SLC26A7: variants seen among roughly 807,000 people sequenced by gnomAD.
SLC26A7 encodes anion exchange transporter.
A neutral mutation model predicts 82.5 loss-of-function variants in SLC26A7; 59 were observed. The observed-to-expected ratio is 0.72, with a 90% CI of 0.58 to 0.89. The LOEUF (loss-of-function observed/expected upper bound fraction) is 0.89, where lower values mean the gene tolerates loss of function less well. Ranked by LOEUF, SLC26A7 falls within the 40% of genes least tolerant of loss-of-function variation. The probability of loss-of-function intolerance (pLI) is 0.00; values close to 1 mark genes in which losing one functional copy is unlikely to be tolerated. For synonymous variants in SLC26A7, 271 were observed against 274.3 expected (o/e 0.99, Z 0.12); for missense variants, 820 against 793.0 (o/e 1.03, Z -0.41).
Position 91,393,869 on chromosome 8 carries a change from A to T in SLC26A7, c.1831+18A>T, listed in dbSNP as rs749798523. ...TTGTACAGGTAAGAGAATGTCCCTG[A>T]CTAACGTTGAATGTGATTTTTCTGC... On this transcript the variant is annotated intron_variant, in intron 17 of 18. Coordinates refer to ENST00000276609, the MANE Select transcript of SLC26A7 (RefSeq NM_052832.4). The T allele has an allele frequency of 9.3e-6, 15 of 1,613,488 alleles. No homozygotes were observed. The highest frequency in any genetic ancestry group is 1.3e-5 in the Non-Finnish European group (15 of 1,179,486).
At chr8:91,259,407 A>G (rs1810899053) in intron 2 of SLC26A7, among the ~76,000 whole-genome samples, 1 of 152,096 alleles carries the variant, frequency 6.6e-6, no homozygotes, top group African/African-American at 2.4e-5. Context: ...CTCAAGGACA[A>G]CATGACTGGC....
At chr8:91,273,268 T>G (rs1811319384) in intron 2 of SLC26A7, among the ~76,000 whole-genome samples, 1 of 152,236 alleles carries the variant, frequency 6.6e-6, no homozygotes, top group Non-Finnish European at 1.5e-5. Context: ...GGACCTCTTG[T>G]TATCCATTTG....
At chr8:91,351,540 A>C (rs904230912) in intron 9 of SLC26A7, among the ~76,000 whole-genome samples, 1 of 152,180 alleles carries the variant, frequency 6.6e-6, no homozygotes, top group African/African-American at 2.4e-5. Flanking sequence ...TTGTGATAAA[A>C]GTTGATGGTG....
chr8:91,368,365 C>T (rs1023914515), intron 14 of SLC26A7, among the ~76,000 whole-genome samples: 1 of 151,746 alleles, frequency 6.6e-6, no homozygotes, highest in African/African-American at 2.4e-5. Context: ...GGTCGAATAT[C>T]TACATAAATT....
intron 16 of SLC26A7, among the ~76,000 whole-genome samples, chr8:91,392,255 T>G (rs757317204): frequency 2.6e-5 from 4 of 152,174 alleles, no homozygotes; most frequent in Non-Finnish European, 4.4e-5. Context: ...ATGGTTACAG[T>G]AACAGCGTGA....
At chr8:91,321,286 T>A (rs1225117974) in intron 5 of SLC26A7, among the ~76,000 whole-genome samples, 1 of 152,260 alleles carries the variant, frequency 6.6e-6, no homozygotes, top group Non-Finnish European at 1.5e-5. Flanking sequence ...TGCTCAGTTC[T>A]GCCCTCTTAG....
intron 2 of SLC26A7, among the ~76,000 whole-genome samples, chr8:91,241,386 T>G (rs1183260178): frequency 6.6e-6 from 1 of 152,194 alleles, no homozygotes; most frequent in Non-Finnish European, 1.5e-5. Flanking sequence ...ACATATTTTC[T>G]TTATCTTTTA....
intron 2 of SLC26A7, among the ~76,000 whole-genome samples, chr8:91,283,153 A>G (rs772563036): frequency 7.6e-4 from 116 of 152,332 alleles, no homozygotes; most frequent in Admixed American, 2.0e-3. Context: ...CAAGATTTTT[A>G]TCTTTCCACT....
intron 15 of SLC26A7, among the ~76,000 whole-genome samples, chr8:91,375,106 C>G (rs1814473873): frequency 6.6e-6 from 1 of 151,774 alleles, no homozygotes; most frequent in Non-Finnish European, 1.5e-5. Flanking sequence ...TTCTCCACCC[C>G]CTTACTTTGA....
chr8:91,328,872 G>C (rs1813003053), intron 5 of SLC26A7, among the ~76,000 whole-genome samples: 1 of 152,000 alleles, frequency 6.6e-6, no homozygotes, highest in African/African-American at 2.4e-5. Flanking sequence ...CCTCAAGATG[G>C]ATTGTTTATG....
At chr8:91,290,978 G>A (rs1230423130) in intron 3 of SLC26A7, among the ~76,000 whole-genome samples, 2 of 151,900 alleles carry the variant, frequency 1.3e-5, no homozygotes, top group East Asian at 1.9e-4. Context: ...TCCATCTCAG[G>A]CCTACTGAAT....
chr8:91,377,830 G>A (rs1814559701), intron 15 of SLC26A7, among the ~76,000 whole-genome samples: 1 of 152,090 alleles, frequency 6.6e-6, no homozygotes, highest in South Asian at 2.1e-4. Context: ...TTAAGTGTGT[G>A]CAACCCTGCT....
In SLC26A7 at chr8:91,397,546, T is replaced by C. The variant is rs1422570367; in HGVS notation, c.*2449T>C. On this transcript the variant is annotated 3_prime_UTR_variant, in exon 19 of 19. Transcript: ENST00000276609. The stretch of plus-strand genomic sequence containing the variant: ...GTTAAGGACCTAATAGAGTGACATA[T>C]ATAAATTAAGCATAAAATATGTAAC... The C allele has an allele frequency of 2.0e-5, 3 of 152,568 alleles. No homozygotes were observed. The highest frequency in any genetic ancestry group is 6.6e-5 in the Admixed American group (1 of 15,264). The allele number at this position is 152,568 out of a possible 1,614,324, so 9.5% of individuals were successfully genotyped here. A position where few individuals can be genotyped will look rare whatever the true frequency, so the allele number is the denominator to read the frequency against.
chr8:91,292,900 A>G (rs1393384874), intron 3 of SLC26A7, among the ~76,000 whole-genome samples: 1 of 152,190 alleles, frequency 6.6e-6, no homozygotes, highest in Non-Finnish European at 1.5e-5. Context: ...ATTTTTCTCT[A>G]AATTAGGGAA....
intron 15 of SLC26A7, among the ~76,000 whole-genome samples, chr8:91,375,679 A>G (rs1230167354): frequency 7.7e-6 from 1 of 130,186 alleles, no homozygotes; most frequent in Non-Finnish European, 1.6e-5. Context: ...TTTTTTCTTC[A>G]TGTTGGCCTT....
chr8:91,381,800 A>G (rs1236818894), intron 15 of SLC26A7, among the ~76,000 whole-genome samples: 1 of 152,048 alleles, frequency 6.6e-6, no homozygotes, highest in Admixed American at 6.6e-5. Context: ...CTATGCTTTA[A>G]ATGCTGAGGT....
Position 91,351,892 on chromosome 8 carries a change from G to T in SLC26A7, c.1218+5G>T. The T allele has an allele frequency of 6.3e-7, 1 of 1,596,808 alleles. No individual in the cohort carries two copies. The highest frequency in any genetic ancestry group is 1.1e-5 in the South Asian group (1 of 90,120). ...TTGCTTTACTGGCTGCCCATGGTAC[G>T]GTAGTGCTTTTTCACTATCTACTTT... On this transcript the variant is annotated splice_donor_5th_base_variant and intron_variant, in intron 10 of 18. Coordinates refer to ENST00000276609, the MANE Select transcript of SLC26A7 (RefSeq NM_052832.4).
intron 15 of SLC26A7, among the ~76,000 whole-genome samples, chr8:91,380,494 A>G (rs1200516523): frequency 6.6e-6 from 1 of 152,206 alleles, no homozygotes; most frequent in Non-Finnish European, 1.5e-5. Context: ...GTTTGGCATT[A>G]CCATCACTCC....
chr8:91,299,186 T>G (rs1812095096), intron 4 of SLC26A7, among the ~76,000 whole-genome samples: 1 of 152,104 alleles, frequency 6.6e-6, no homozygotes, highest in South Asian at 2.1e-4. Flanking sequence ...ATTTTAAGAG[T>G]TCTTTATATA....
Sources: gnomAD v4.1 joint callset for allele counts (sites outside exome capture counted in the v4.1 genomes callset) on GRCh38, gnomAD v4.1.1 for gene constraint, MANE v1.5 for transcripts, NCBI Gene and HGNC (gene_info 2026-07-23, HGNC 2026-07-21) for gene names.